HMCN2: variants seen among roughly 807,000 people sequenced by gnomAD.
The protein encoded by HMCN2 is hemicentin-2.
Under a neutral mutation model 377.5 loss-of-function variants are expected in HMCN2, and 325 were observed. The ratio of observed to expected loss-of-function variants is 0.86; its 90% CI spans 0.79 to 0.94. The LOEUF (loss-of-function observed/expected upper bound fraction) is 0.94, where lower values mean the gene tolerates loss of function less well. Ranked by LOEUF, HMCN2 falls within the 40% of genes least tolerant of loss-of-function variation. The pLI is 0.00. For synonymous variants in HMCN2, 2,007 were observed against 2,046.8 expected (o/e 0.98, Z 0.53); for missense variants, 4,543 against 4,725.3 (o/e 0.96, Z 1.13).
intron 22 of HMCN2, among the ~76,000 whole-genome samples, chr9:130,331,495 C>T (rs1185572642): frequency 2.0e-5 from 3 of 152,300 alleles, no homozygotes; most frequent in Admixed American, 6.5e-5. Context: ...GTTGCAGCCT[C>T]GGAGACAGAA....
chr9:130,331,869 G>A (rs1395316842), intron 22 of HMCN2, among the ~76,000 whole-genome samples: 1 of 152,192 alleles, frequency 6.6e-6, no homozygotes, highest in Non-Finnish European at 1.5e-5. Context: ...ATCCCAGCGC[G>A]GTGTGGGGGC....
In HMCN2 at chr9:130,428,996, C is replaced by A. The variant is rs1359948717; in HGVS notation, c.14197+507C>A. 1.3e-5 allele frequency among the ~76,000 whole-genome samples: 2 copies of A among 152,230 alleles called. No individual in the cohort carries two copies. The highest frequency in any genetic ancestry group is 2.9e-5 in the Non-Finnish European group (2 of 68,038). The stretch of plus-strand genomic sequence containing the variant: ...CTATGGCTGTAGGACCGTGGGTCCA[C>A]CCGGCTCCTCTGAGAGACTGCACGG... On this transcript the variant is annotated intron_variant, in intron 93 of 97. Transcript: ENST00000683500. This position sits in a 1 kb window ranked among gnomAD's most constrained non-coding sequence, Gnocchi z 5.0.
In HMCN2 at chr9:130,391,285, C is replaced by A; in HGVS notation, c.9749C>A (p.Ala3250Asp). ...CAGGAGGTGCGGCTGGACTGTGAGGCCGATGGGCAGCCGCCGCCGGACGTG... is the reference window on the plus strand; with the variant it reads ...CAGGAGGTGCGGCTGGACTGTGAGGACGATGGGCAGCCGCCGCCGGACGTG... ...EGQEVRLDCE[A>D]DGQPPPDVAW... Residue 3250 changes from alanine to aspartate, a missense_variant, in exon 64 of 98, where the codon GCC becomes GAC. Transcript: ENST00000683500. 1.3e-5 allele frequency: 13 copies of A among 987,682 alleles called. No homozygotes were observed. Among genetic ancestry groups the A allele is most frequent in the Non-Finnish European group, 1.6e-5 (13 of 830,144 alleles). 61.2% of individuals were successfully genotyped at this position (987,682 alleles called of 1,614,324 possible). A position where few individuals can be genotyped will look rare whatever the true frequency, so the allele number is the denominator to read the frequency against.
chr9:130,288,427 A>G (rs1005513336), intron 4 of HMCN2, among the ~76,000 whole-genome samples: 4 of 152,222 alleles, frequency 2.6e-5, no homozygotes, highest in African/African-American at 4.8e-5. Context: ...TGCCTTGGAC[A>G]TAGCCTCTTC....
chr9:130,359,903 C>G (rs1455233841), intron 37 of HMCN2, among the ~76,000 whole-genome samples: 3 of 152,164 alleles, frequency 2.0e-5, no homozygotes, highest in Non-Finnish European at 2.9e-5. Context: ...TGCCCCCTCT[C>G]GTGGGGATGC....
In HMCN2 at chr9:130,386,747, C is replaced by A. The variant is rs567881082; in HGVS notation, c.9391+223C>A. Among the ~76,000 whole-genome samples, 3 of 152,344 alleles carry A rather than the reference C, an allele frequency of 2.0e-5. No individual in the cohort carries two copies. The South Asian group carries it at 6.2e-4, about 32-fold the overall frequency. On this transcript the variant is annotated intron_variant, in intron 61 of 97. Coordinates refer to ENST00000683500, the MANE Select transcript of HMCN2 (RefSeq NM_001291815.2). ...CTGGTTTCGAACCCCTGGGCTCAAG[C>A]AAACCTCCTGCCTCAGCCTCCCAAA...
chr9:130,354,832 C>G lies in HMCN2; in HGVS notation c.4934C>G (p.Ala1645Gly). 2.3e-6 allele frequency: 3 copies of G among 1,304,212 alleles called. No homozygotes were observed. Among genetic ancestry groups the G allele is most frequent in the Non-Finnish European group, 3.0e-6 (3 of 988,914 alleles). 80.8% of individuals were successfully genotyped at this position (1,304,212 alleles called of 1,614,324 possible). A position where few individuals can be genotyped will look rare whatever the true frequency, so the allele number is the denominator to read the frequency against. The change falls in exon 32 of 98, where the codon GCG (alanine) becomes GGG (glycine). Residue 1645 changes from alanine (A) to glycine (G), a missense_variant. Ala to Gly is a moderately conservative substitution (Grantham distance 60). Coordinates refer to ENST00000683500, the MANE Select transcript of HMCN2 (RefSeq NM_001291815.2). The part of the protein sequence containing the change: ...VVKAVAGRPV[A>G]LECVARGHPS... ...AAGGCTGTGGCTGGGAGGCCTGTGG[C>G]GCTGGAGTGCGTGGCCAGAGGCCAC...
chr9:130,367,251 C>T (rs142188474), intron 43 of HMCN2, among the ~76,000 whole-genome samples: 6 of 152,170 alleles, frequency 3.9e-5, no homozygotes, highest in African/African-American at 1.4e-4. Flanking sequence ...TGCTAAATAC[C>T]TAGTGAGGTG....
chr9:130,323,009 T>C (rs951381742), intron 19 of HMCN2, among the ~76,000 whole-genome samples: 10,610 of 152,268 alleles, frequency 0.07, 461 homozygotes, highest in Middle Eastern at 0.15. Context: ...GGTGCAATTC[T>C]AGGTGCCATC....
At chr9:130,350,675 A>C (rs1187997310) in intron 29 of HMCN2, among the ~76,000 whole-genome samples, 1 of 152,020 alleles carries the variant, frequency 6.6e-6, no homozygotes, top group African/African-American at 2.4e-5. Flanking sequence ...TCACGAGGTC[A>C]GGAGATCGAG....
intron 45 of HMCN2, among the ~76,000 whole-genome samples, chr9:130,370,524 C>T (rs184891038): frequency 6.6e-6 from 1 of 152,216 alleles, no homozygotes; most frequent in Non-Finnish European, 1.5e-5. Flanking sequence ...CCCCCACCCC[C>T]CTGGGTAGAG....
In HMCN2 at chr9:130,428,979, G is replaced by A. The variant is rs1284745757; in HGVS notation, c.14197+490G>A. On this transcript the variant is annotated intron_variant, in intron 93 of 97. Transcript: ENST00000683500. The surrounding 1 kb of genome is among the most constrained non-coding windows in gnomAD (Gnocchi z 5.0). ...CTTCCTGCTCTAACAGTCTATGGCT[G>A]TAGGACCGTGGGTCCACCCGGCTCC... Among the ~76,000 whole-genome samples, 2 of 152,200 alleles carry A rather than the reference G, an allele frequency of 1.3e-5. No individual in the cohort carries two copies. Among genetic ancestry groups the A allele is most frequent in the Admixed American group, 6.5e-5 (1 of 15,284 alleles).
intron 1 of HMCN2, among the ~76,000 whole-genome samples, chr9:130,270,854 A>G (rs1554920868): frequency 6.7e-6 from 1 of 148,488 alleles, no homozygotes; most frequent in African/African-American, 2.4e-5. Flanking sequence ...GGGGAATTAC[A>G]TACATGAGCC....
rs1840831414 is a variant in HMCN2, at chr9:130,368,619, T to TA, written c.6787+184dup. Among the ~76,000 whole-genome samples, 4 of 152,242 alleles carry TA rather than the reference T, an allele frequency of 2.6e-5. No homozygotes were observed. In the South Asian group the frequency reaches 8.3e-4, roughly 32 times the overall value. On this transcript the variant is annotated intron_variant, in intron 44 of 97. Transcript: ENST00000683500. ...TCTAAAGACACTACCTGAGACTGGC[T>TA]AATTTATAAACGAGAGGCTTAATTG... is the stretch of plus-strand genomic sequence containing the variant.
rs560220453 is a variant in HMCN2, at chr9:130,414,258, C to T, written c.12961+3606C>T. Among the ~76,000 whole-genome samples, 6 of 152,268 alleles carry T rather than the reference C, an allele frequency of 3.9e-5. No individual in the cohort carries two copies. The highest frequency in any genetic ancestry group is 7.4e-5 in the Non-Finnish European group (5 of 68,018). Reference sequence around the variant, plus strand: ...CTCCCCCGTGTGGCCAGGTGGGCAGCGAGGGTAGTGCCAGCAGAGGCCCGG... The same window carrying T: ...CTCCCCCGTGTGGCCAGGTGGGCAGTGAGGGTAGTGCCAGCAGAGGCCCGG... On this transcript the variant is annotated intron_variant, in intron 85 of 97. Coordinates refer to ENST00000683500, the MANE Select transcript of HMCN2 (RefSeq NM_001291815.2). This position sits in a 1 kb window ranked among gnomAD's most constrained non-coding sequence, Gnocchi z 4.4.
chr9:130,365,966 C>G lies in HMCN2; in HGVS notation c.6596C>G (p.Pro2199Arg), dbSNP rs1564821018. 2.0e-6 allele frequency: 2 copies of G among 985,926 alleles called. No homozygotes were observed. Among genetic ancestry groups the G allele is most frequent in the East Asian group, 1.1e-4 (1 of 8,810 alleles). The allele number at this position is 985,926 out of a possible 1,614,324, so 61.1% of individuals were successfully genotyped here. A position where few individuals can be genotyped will look rare whatever the true frequency, so the allele number is the denominator to read the frequency against. The change falls in exon 43 of 98, where the codon CCC becomes CGC. Residue 2199 changes from proline (P) to arginine (R), a missense_variant. Transcript: ENST00000683500. ...CTGTCCTGCGAATGCCGGGGTGTCCCCTTCCCCAAGATCTCCTGGAGGAAG... is the reference window on the plus strand; with the variant it reads ...CTGTCCTGCGAATGCCGGGGTGTCCGCTTCCCCAAGATCTCCTGGAGGAAG... Reference protein sequence around the residue: ...TRLSCECRGVPFPKISWRKDG... With the variant: ...TRLSCECRGVRFPKISWRKDG...
intron 14 of HMCN2, among the ~76,000 whole-genome samples, chr9:130,309,331 T>C (rs1272011283): frequency 1.3e-5 from 2 of 151,652 alleles, no homozygotes; most frequent in African/African-American, 4.8e-5. Context: ...CTGGCCAACA[T>C]GGTGAAACCC....
At chr9:130,357,591 G>A (rs1405856439) in intron 34 of HMCN2, among the ~76,000 whole-genome samples, 1 of 152,156 alleles carries the variant, frequency 6.6e-6, no homozygotes, top group Non-Finnish European at 1.5e-5. Context: ...ATGAATAGAT[G>A]CATGGGTGCA....
intron 22 of HMCN2, among the ~76,000 whole-genome samples, chr9:130,337,366 G>A (rs952307672): frequency 6.6e-6 from 1 of 152,198 alleles, no homozygotes; most frequent in Non-Finnish European, 1.5e-5. Context: ...GAGTCAGGCC[G>A]GCCCTGGCAC....
Sources: allele counts gnomAD v4.1 joint callset (sites outside exome capture counted in the v4.1 genomes callset), GRCh38; gene constraint gnomAD v4.1.1; non-coding constraint Gnocchi (gnomAD v3.1); transcripts MANE v1.5; gene names NCBI Gene and HGNC (gene_info 2026-07-23, HGNC 2026-07-21).